The following RIMS3 variants were observed in gnomAD, a reference collection of about 807,000 sequenced individuals.
RIMS3 encodes regulating synaptic membrane exocytosis 3.
RIMS3 carries 15 observed loss-of-function variants against 29.2 expected under a neutral mutation model. The observed-to-expected ratio is 0.51, with a 90% CI of 0.34 to 0.79. RIMS3 has a LOEUF of 0.79. RIMS3 is among the 30% of genes least tolerant of loss of function. The pLI, the probability that RIMS3 is intolerant of heterozygous loss-of-function variation, is 0.01. For synonymous variants in RIMS3, 161 were observed against 170.1 expected (o/e 0.95, Z 0.41); for missense variants, 342 against 421.4 (o/e 0.81, Z 1.65).
At chr1:40,662,092 G>A (rs1164763695) in intron 1 of RIMS3, among the ~76,000 whole-genome samples, 1 of 152,166 alleles carries the variant, frequency 6.6e-6, no homozygotes, top group Non-Finnish European at 1.5e-5. Flanking sequence ...TAACATTCTG[G>A]GGAAATCTGA....
intron 1 of RIMS3, among the ~76,000 whole-genome samples, chr1:40,652,983 A>G (rs572338906): frequency 7.9e-4 from 121 of 152,280 alleles, no homozygotes; most frequent in African/African-American, 2.8e-3. Context: ...AAGGGAAAAA[A>G]TGAAATCCAA....
chr1:40,638,777 G>A (rs184799322), intron 3 of RIMS3, among the ~76,000 whole-genome samples: 12 of 152,294 alleles, frequency 7.9e-5, no homozygotes, highest in Admixed American at 2.0e-4. Flanking sequence ...CTGCTCCCAC[G>A]ACTTAGTGAA....
At chr1:40,676,123 C>G in the RIMS3 span, among the ~76,000 whole-genome samples, 1 of 152,144 alleles carries the variant, frequency 6.6e-6, no homozygotes, top group Non-Finnish European at 1.5e-5. Flanking sequence ...TATCCTTCAT[C>G]CTGCCTTTCA....
chr1:40,657,099 G>A (rs948506975), intron 1 of RIMS3, among the ~76,000 whole-genome samples: 3 of 152,168 alleles, frequency 2.0e-5, no homozygotes, highest in African/African-American at 7.2e-5. Flanking sequence ...CATCTAATAT[G>A]AGCCTCAGAG....
intron 1 of RIMS3, among the ~76,000 whole-genome samples, chr1:40,656,609 C>A (rs971645324): frequency 6.6e-5 from 10 of 151,992 alleles, no homozygotes; most frequent in Non-Finnish European, 5.9e-5. Flanking sequence ...CATGGAGAAA[C>A]TCCGTCTCCA....
intron 1 of RIMS3, among the ~76,000 whole-genome samples, chr1:40,648,350 G>A (rs894750109): frequency 3.3e-5 from 5 of 152,156 alleles, no homozygotes; most frequent in Non-Finnish European, 5.9e-5. Context: ...TGACTCTCCC[G>A]GCTGGACTGG....
upstream of RIMS3, chr1:40,669,595 C>T (rs1290908632): frequency 1.3e-5 from 2 of 152,226 alleles, no homozygotes; most frequent in African/African-American, 4.8e-5. Flanking sequence ...AGGAGACGTC[C>T]TCCAAGCTGC....
chr1:40,670,572 T>TTTTA (rs1226650416), upstream of RIMS3, among the ~76,000 whole-genome samples: 6 of 40,158 alleles, frequency 1.5e-4, no homozygotes, highest in South Asian at 9.9e-4. Context: ...TTAGTTATAA[T>TTTTA]TTTATATATA....
At position 40,627,968 on chromosome 1, in the gene RIMS3, G is replaced by A. The variant is rs371324428; in HGVS notation, c.714+842C>T. On this transcript the variant is annotated intron_variant, in intron 7 of 7. Coordinates refer to ENST00000372684, the MANE Select transcript of RIMS3 (RefSeq NM_014747.3). The stretch of plus-strand genomic sequence containing the variant: ...AGAACCATCTCAGCCCAGAGGAGCA[G>A]CCCTAGATGAGAAGTTGGATGGCCC... Among the ~76,000 whole-genome samples the A allele has an allele frequency of 1.0e-3, 159 of 152,258 alleles. 3 individuals carry two copies. The South Asian group carries it at 0.03, about 29-fold the overall frequency.
chr1:40,638,363 G>A (rs1033759940), intron 3 of RIMS3, among the ~76,000 whole-genome samples: 19 of 152,122 alleles, frequency 1.2e-4, no homozygotes, highest in Admixed American at 1.0e-3. Flanking sequence ...ATGTCCATAC[G>A]ATCCCTCCAC....
chr1:40,649,915 T>G (rs1393491496), intron 1 of RIMS3, among the ~76,000 whole-genome samples: 1 of 152,112 alleles, frequency 6.6e-6, no homozygotes, highest in Non-Finnish European at 1.5e-5. Context: ...GGCTGGATAC[T>G]GTGTAGGAAG....
chr1:40,649,669 G>A (rs568858702), intron 1 of RIMS3, among the ~76,000 whole-genome samples: 23 of 152,304 alleles, frequency 1.5e-4, no homozygotes, highest in Admixed American at 7.2e-4. Context: ...TCGCCAGACC[G>A]GACAAAGGAG....
the RIMS3 span, among the ~76,000 whole-genome samples, chr1:40,684,620 G>A: frequency 6.6e-6 from 1 of 152,194 alleles, no homozygotes; most frequent in Non-Finnish European, 1.5e-5. Flanking sequence ...GAGAAGCAAG[G>A]GAAGGAAATG....
chr1:40,663,471 C>A lies in RIMS3; in HGVS notation c.-207+1923G>T, dbSNP rs573971375. Among the ~76,000 whole-genome samples the A allele has an allele frequency of 5.9e-4, 90 of 152,206 alleles. 1 individual carries two copies. The highest frequency in any genetic ancestry group is 1.9e-3 in the African/African-American group (78 of 41,528). On this transcript the variant is annotated intron_variant, in intron 1 of 7. Transcript: ENST00000372684. ...GAAATCAACCACCAGCCTGCTCCCC[C>A]CTCCCCAGGGACCCTCCAGGCTCCA...
intron 1 of RIMS3, among the ~76,000 whole-genome samples, chr1:40,656,783 C>CAAAA (rs57983058): frequency 4.1e-5 from 3 of 73,310 alleles, no homozygotes; most frequent in African/African-American, 4.9e-5. Flanking sequence ...AACTCCGTCT[C>CAAAA]AAAAAAAAAA....
intron 2 of RIMS3, among the ~76,000 whole-genome samples, chr1:40,647,127 C>T (rs1397964239): frequency 6.6e-6 from 1 of 152,156 alleles, no homozygotes; most frequent in Non-Finnish European, 1.5e-5. Context: ...GATCTGCCCA[C>T]CTCGGCCTCC....
the RIMS3 span, among the ~76,000 whole-genome samples, chr1:40,685,457 G>A: frequency 1.3e-5 from 2 of 151,350 alleles, no homozygotes; most frequent in South Asian, 4.2e-4. Context: ...ACGCAGGCCT[G>A]ACCCTGAGTG....
In RIMS3 at chr1:40,626,315, C is replaced by T. The variant is rs774340897; in HGVS notation, c.*202G>A. 170 of 621,418 alleles carry T rather than the reference C, an allele frequency of 2.7e-4. 1 individual carries two copies. The highest frequency in any genetic ancestry group is 4.2e-4 in the Non-Finnish European group (146 of 344,310). 38.5% of individuals were successfully genotyped at this position (621,418 alleles called of 1,614,324 possible). A position where few individuals can be genotyped will look rare whatever the true frequency, so the allele number is the denominator to read the frequency against. Reference sequence around the variant, plus strand: ...TACCCAGACAAATGAACAGATAGAACGTGGTCACGTACACACACACACACA... The same window carrying T: ...TACCCAGACAAATGAACAGATAGAATGTGGTCACGTACACACACACACACA... On this transcript the variant is annotated 3_prime_UTR_variant, in exon 8 of 8. Coordinates refer to ENST00000372684, the MANE Select transcript of RIMS3 (RefSeq NM_014747.3).
chr1:40,685,043 T>C, the RIMS3 span, among the ~76,000 whole-genome samples: 2 of 152,026 alleles, frequency 1.3e-5, no homozygotes, highest in Non-Finnish European at 2.9e-5. Context: ...ACCAAGTGGC[T>C]AATTGTCTGG....
Sources: gnomAD v4.1 joint callset for allele counts (sites outside exome capture counted in the v4.1 genomes callset) on GRCh38, gnomAD v4.1.1 for gene constraint, MANE v1.5 for transcripts, NCBI Gene and HGNC (gene_info 2026-07-23, HGNC 2026-07-21) for gene names.